Variants in SRD5A2 observed in about 807,000 individuals in gnomAD.
SRD5A2 encodes 3-oxo-5-alpha-steroid 4-dehydrogenase 2.
SRD5A2 carries 30 observed loss-of-function variants against 27.4 expected under a neutral mutation model. That is an observed-to-expected ratio of 1.10 (90% CI 0.82 to 1.49). The LOEUF is 1.49. Ranked by LOEUF, SRD5A2 falls within the 40% of genes most tolerant of loss-of-function variation. The pLI, the probability that SRD5A2 is intolerant of heterozygous loss-of-function variation, is 0.00. For missense variants in SRD5A2, 348 were observed against 323.4 expected (o/e 1.08, Z -0.58); for synonymous variants, 141 against 133.6 (o/e 1.06, Z -0.38).
chr2:31,614,043 C>T, the SRD5A2 span, among the ~76,000 whole-genome samples: 9 of 152,048 alleles, frequency 5.9e-5, no homozygotes, highest in Non-Finnish European at 8.8e-5. Context: ...TGCAACTGTC[C>T]CCTCTCAAAT....
chr2:31,642,135 T>C, the SRD5A2 span, among the ~76,000 whole-genome samples: 1 of 152,054 alleles, frequency 6.6e-6, no homozygotes, highest in Non-Finnish European at 1.5e-5. Flanking sequence ...TTAAAGGTAA[T>C]TCAGTTGAGA....
rs1665770685 is a variant in SRD5A2 at position 31,526,030 on chromosome 2, A to T, written c.*166T>A. On this transcript the variant is annotated 3_prime_UTR_variant, in exon 5 of 5. Coordinates refer to ENST00000622030, the MANE Select transcript of SRD5A2 (RefSeq NM_000348.4). ...AGGGGTCCCTGGAAGGGTAGGAGTA[A>T]ACTCTAAGCAGACACCACTCAGAAT... 1.9e-6 allele frequency: 1 copy of T among 529,948 alleles called. No individual in the cohort carries two copies. The highest frequency in any genetic ancestry group is 2.0e-5 in the African/African-American group (1 of 51,024). 32.8% of individuals were successfully genotyped at this position (529,948 alleles called of 1,614,324 possible).
chr2:31,621,978 T>C, the SRD5A2 span, among the ~76,000 whole-genome samples: 1 of 150,488 alleles, frequency 6.6e-6, no homozygotes, highest in Non-Finnish European at 1.5e-5. Flanking sequence ...CTTGAACTTT[T>C]AAGTCAGGAG....
At chr2:31,546,628 G>A (rs1317735038) in intron 1 of SRD5A2, among the ~76,000 whole-genome samples, 1 of 151,998 alleles carries the variant, frequency 6.6e-6, no homozygotes, top group East Asian at 1.9e-4. Flanking sequence ...CAGACACTGG[G>A]GACTAATAAA....
chr2:31,633,872 T>A, the SRD5A2 span, among the ~76,000 whole-genome samples: 1 of 152,158 alleles, frequency 6.6e-6, no homozygotes. Flanking sequence ...AATCAGGTAG[T>A]AAAGAGAGCT....
chr2:31,582,972 T>C (rs990371774), upstream of SRD5A2, among the ~76,000 whole-genome samples: 3 of 152,206 alleles, frequency 2.0e-5, no homozygotes, highest in African/African-American at 7.2e-5. Context: ...TCTTCCTCTC[T>C]TTTCTTCCGA....
chr2:31,524,906 G>A lies in SRD5A2; in HGVS notation c.*1290C>T, dbSNP rs549077867. ...TTCACAAGAGTTTGCAAACTCAAAT[G>A]CTTACTAGCTACGTAGTTCCAGTTC... On this transcript the variant is annotated 3_prime_UTR_variant, in exon 5 of 5. Coordinates refer to ENST00000622030, the MANE Select transcript of SRD5A2 (RefSeq NM_000348.4). The A allele has an allele frequency of 4.9e-5, 11 of 225,980 alleles. No homozygotes were observed. In the Admixed American group the frequency reaches 5.7e-4, roughly 12 times the overall value. The allele number at this position is 225,980 out of a possible 1,614,324, so 14.0% of individuals were successfully genotyped here.
the SRD5A2 span, among the ~76,000 whole-genome samples, chr2:31,593,177 G>C: frequency 6.6e-6 from 1 of 151,980 alleles, no homozygotes; most frequent in Non-Finnish European, 1.5e-5. Context: ...GAGTTAATGG[G>C]TGCAGCACAC....
chr2:31,583,663 C>CAAA (rs796349594), upstream of SRD5A2, among the ~76,000 whole-genome samples: 1 of 97,222 alleles, frequency 1.0e-5, no homozygotes, highest in African/African-American at 4.4e-5. Context: ...AAAAAAAAAG[C>CAAA]AAAAAAAAAA....
At chr2:31,609,269 T>G in the SRD5A2 span, among the ~76,000 whole-genome samples, 1 of 152,072 alleles carries the variant, frequency 6.6e-6, no homozygotes, top group East Asian at 1.9e-4. Flanking sequence ...CCCAGCTGAC[T>G]TTTTTCAGAA....
chr2:31,602,088 T>A, the SRD5A2 span, among the ~76,000 whole-genome samples: 195 of 152,100 alleles, frequency 1.3e-3, 7 homozygotes, highest in East Asian at 0.036. Context: ...AAATAAAGTG[T>A]ATTCAAATAG....
At chr2:31,533,154 A>C (rs1018284929) in intron 2 of SRD5A2, among the ~76,000 whole-genome samples, 1 of 152,190 alleles carries the variant, frequency 6.6e-6, no homozygotes, top group African/African-American at 2.4e-5. Flanking sequence ...AATGTGGTCC[A>C]GGGAAGCCAA....
At chr2:31,654,279 T>C in the SRD5A2 span, among the ~76,000 whole-genome samples, 1 of 152,174 alleles carries the variant, frequency 6.6e-6, no homozygotes, top group Non-Finnish European at 1.5e-5. Flanking sequence ...AGCAGTTGCA[T>C]ATCTCAAAGC....
At chr2:31,630,823 G>T in the SRD5A2 span, among the ~76,000 whole-genome samples, 6 of 152,266 alleles carry the variant, frequency 3.9e-5, no homozygotes, top group Admixed American at 1.3e-4. Context: ...CCTAACAGGG[G>T]ATTTAAATCT....
chr2:31,661,643 G>T, the SRD5A2 span, among the ~76,000 whole-genome samples: 2 of 152,098 alleles, frequency 1.3e-5, no homozygotes, highest in Admixed American at 1.3e-4. Flanking sequence ...TGACTCTTAC[G>T]TTATTTAGTT....
the SRD5A2 span, among the ~76,000 whole-genome samples, chr2:31,640,536 A>G: frequency 6.6e-6 from 1 of 152,096 alleles, no homozygotes. Flanking sequence ...CCTCCTGTTC[A>G]GCTCTAGATA....
chr2:31,591,948 GA>G, the SRD5A2 span, among the ~76,000 whole-genome samples: 1 of 113,804 alleles, frequency 8.8e-6, no homozygotes, highest in Non-Finnish European at 1.7e-5. Context: ...GGGGTGGGGG[GA>G]GGGGGGAGGG....
At chr2:31,604,532 C>CA in the SRD5A2 span, among the ~76,000 whole-genome samples, 1 of 151,452 alleles carries the variant, frequency 6.6e-6, no homozygotes, top group African/African-American at 2.4e-5. Flanking sequence ...GGAAAAGAAA[C>CA]AAAAAATGTA....
chr2:31,630,419 T>C, the SRD5A2 span, among the ~76,000 whole-genome samples: 5 of 152,070 alleles, frequency 3.3e-5, no homozygotes, highest in Non-Finnish European at 7.4e-5. Flanking sequence ...CCAGGGTAAA[T>C]TTAAAACCTA....
Sources: gnomAD v4.1 joint callset for allele counts (sites outside exome capture counted in the v4.1 genomes callset) on GRCh38, gnomAD v4.1.1 for gene constraint, MANE v1.5 for transcripts, NCBI Gene and HGNC (gene_info 2026-07-23, HGNC 2026-07-21) for gene names.